Variants in DMD observed in about 807,000 individuals in gnomAD.
DMD encodes dystrophin.
Under a neutral mutation model 330.1 loss-of-function variants are expected in DMD, and 63 were observed. The observed-to-expected ratio is 0.19, with a 90% CI of 0.16 to 0.24. DMD has a LOEUF of 0.24. Among genes scored for constraint, DMD ranks in the 10% least tolerant of loss-of-function variants. The probability of loss-of-function intolerance (pLI) is 1.00; values close to 1 mark genes in which losing one functional copy is unlikely to be tolerated. For missense variants in DMD, 3,344 were observed against 2,684.1 expected (o/e 1.25, Z -5.43); for synonymous variants, 1,223 against 959.8 (o/e 1.27, Z -5.07).
At chrX:32,828,846 G>T (rs186020385) in intron 4 of DMD, among the ~76,000 whole-genome samples, 1,497 of 110,806 alleles carry the variant, frequency 0.014, 20 homozygotes, top group Non-Finnish European at 0.019. Flanking sequence ...ACATCACTTT[G>T]TTAACTTTTA....
intron 1 of DMD, among the ~76,000 whole-genome samples, chrX:33,232,971 G>A (rs1227606919): frequency 3.6e-5 from 4 of 111,523 alleles, no homozygotes; most frequent in Non-Finnish European, 7.5e-5. Flanking sequence ...CAAAGGGTAC[G>A]AATTTTTAGT....
intron 60 of DMD, among the ~76,000 whole-genome samples, chrX:31,414,567 G>A (rs1456696321): frequency 1.8e-5 from 2 of 111,961 alleles, no homozygotes; most frequent in African/African-American, 6.5e-5. Context: ...TTTAATTAAA[G>A]TTCCACTAGT....
At chrX:31,574,736 A>G (rs1455499658) in intron 55 of DMD, among the ~76,000 whole-genome samples, 1 of 110,769 alleles carries the variant, frequency 9.0e-6, no homozygotes, top group Non-Finnish European at 1.9e-5. Context: ...CCTCTATTTG[A>G]TGTCTCTTCT....
chrX:33,121,396 A>C (rs940394906), intron 1 of DMD, among the ~76,000 whole-genome samples: 12 of 109,973 alleles, frequency 1.1e-4, no homozygotes, highest in African/African-American at 4.0e-4. Flanking sequence ...ATGTCTGGTT[A>C]ATTTTTTTGT....
At chrX:33,065,266 T>C (rs1421397633) in intron 1 of DMD, among the ~76,000 whole-genome samples, 1 of 112,637 alleles carries the variant, frequency 8.9e-6, no homozygotes, top group Non-Finnish European at 1.9e-5. Context: ...TCCAAGTCTA[T>C]TTACAAGGAA....
intron 64 of DMD, among the ~76,000 whole-genome samples, chrX:31,220,901 T>C (rs1200283798): frequency 1.1e-5 from 1 of 90,823 alleles, no homozygotes; most frequent in Non-Finnish European, 2.2e-5. Context: ...TTGCGATTTT[T>C]TTTTTTTTTT....
intron 44 of DMD, among the ~76,000 whole-genome samples, chrX:32,208,972 T>C (rs1419121200): frequency 8.9e-6 from 1 of 111,910 alleles, no homozygotes; most frequent in East Asian, 2.8e-4. Flanking sequence ...GGGGATCATT[T>C]GTCTCAGGTA....
chrX:32,334,104 CA>C (rs747548130), intron 41 of DMD, among the ~76,000 whole-genome samples: 1 of 110,960 alleles, frequency 9.0e-6, no homozygotes, highest in Non-Finnish European at 1.9e-5. Context: ...GACACTAGAA[CA>C]AAAAAACTCC....
chrX:31,722,211 C>T (rs375525097), intron 52 of DMD, among the ~76,000 whole-genome samples: 5 of 110,195 alleles, frequency 4.5e-5, no homozygotes, highest in South Asian at 3.9e-4. Context: ...CTCCGCCTCC[C>T]GGGTTCAAGC....
In DMD at chrX:31,292,380, A is replaced by G. The variant is rs751341322; in HGVS notation, c.9224+31218T>C. ...AAAATATTCAACCTCATAAGTAATC[A>G]GACAATTGCAAATTAAAATAACAAT... is the stretch of plus-strand genomic sequence containing the variant. On this transcript the variant is annotated intron_variant, in intron 62 of 78. Transcript: ENST00000357033. Among the ~76,000 whole-genome samples the G allele has an allele frequency of 4.5e-5, 5 of 112,320 alleles. No homozygotes were observed. In the East Asian group the frequency reaches 1.4e-3, roughly 31 times the overall value.
chrX:32,652,626 A>AT (rs1194341112), intron 9 of DMD, among the ~76,000 whole-genome samples: 2 of 111,168 alleles, frequency 1.8e-5, no homozygotes, highest in African/African-American at 6.5e-5. Flanking sequence ...TAGCAGCATG[A>AT]TTTTTAATCC....
intron 60 of DMD, among the ~76,000 whole-genome samples, chrX:31,438,211 T>C (rs973869599): frequency 1.8e-5 from 2 of 111,708 alleles, no homozygotes; most frequent in Non-Finnish European, 3.8e-5. Context: ...GATGGCATTA[T>C]ACTTAATTTC....
Position 31,173,593 on chromosome X carries a change from G to C in DMD, c.10274C>G (p.Ser3425Cys), listed in dbSNP as rs1315056812. The C allele has an allele frequency of 5.0e-6, 6 of 1,208,387 alleles. No homozygotes were observed. Among genetic ancestry groups the C allele is most frequent in the Non-Finnish European group, 4.5e-6 (4 of 893,802 alleles). ...FWPVDSAPAS[S>C]PQLSHDDTHS... The stretch of plus-strand genomic sequence containing the variant: ...AGTATCATCGTGTGAAAGCTGAGGG[G>C]ACGAGGCAGGCCTATAAGGCAGAAA... The change falls in exon 72 of 79, where the codon TCC (serine) becomes TGC (cysteine). Residue 3425 changes from serine to cysteine, a missense_variant. Ser to Cys is a moderately radical substitution (Grantham distance 112). Transcript: ENST00000357033.
At chrX:32,493,302 C>A (rs1435326340) in intron 19 of DMD, among the ~76,000 whole-genome samples, 3 of 111,969 alleles carry the variant, frequency 2.7e-5, no homozygotes, top group African/African-American at 9.7e-5. Flanking sequence ...AAGCATAATG[C>A]TACTCAGGAT....
intron 62 of DMD, among the ~76,000 whole-genome samples, chrX:31,275,155 TTGTGTGTGTG>T (rs59068818): frequency 0.059 from 5,656 of 96,130 alleles, 154 homozygotes; most frequent in Admixed American, 0.093. Flanking sequence ...AAATCAGGTT[TTGTGTGTGTG>T]TGTGTGTGTG....
At chrX:32,501,152 G>T (rs2044013416) in intron 19 of DMD, among the ~76,000 whole-genome samples, 1 of 111,616 alleles carries the variant, frequency 9.0e-6, no homozygotes, top group Admixed American at 9.6e-5. Context: ...TATTAGAAAA[G>T]ATTAATTTTA....
chrX:32,967,544 G>A (rs2092209556), intron 2 of DMD, among the ~76,000 whole-genome samples: 1 of 110,877 alleles, frequency 9.0e-6, no homozygotes, highest in Non-Finnish European at 1.9e-5. Context: ...ATGCTGCTTG[G>A]GTCTTCAATA....
chrX:33,051,909 A>C (rs961039250), intron 1 of DMD, among the ~76,000 whole-genome samples: 8 of 109,918 alleles, frequency 7.3e-5, no homozygotes, highest in Non-Finnish European at 5.7e-5. Flanking sequence ...TCGGCCTCCC[A>C]AAGTGCTGGG....
At chrX:32,279,052 G>A (rs62591894) in intron 43 of DMD, among the ~76,000 whole-genome samples, 14,589 of 111,328 alleles carry the variant, frequency 0.13, 954 homozygotes, top group Admixed American at 0.26. Flanking sequence ...GCAAACAGGT[G>A]TATCAAAATA....
Sources: gnomAD v4.1 joint callset for allele counts (sites outside exome capture counted in the v4.1 genomes callset) on GRCh38, gnomAD v4.1.1 for gene constraint, MANE v1.5 for transcripts, NCBI Gene and HGNC (gene_info 2026-07-23, HGNC 2026-07-21) for gene names.